Variants in TNFSF4 observed in about 807,000 individuals in gnomAD.
TNFSF4 encodes tumor necrosis factor ligand superfamily member 4.
In TNFSF4, 4 loss-of-function variants were observed where a neutral mutation model predicts 7.3. The observed-to-expected ratio is 0.55, with a 90% CI of 0.27 to 1.25. The LOEUF is 1.25. Ranked by LOEUF, TNFSF4 falls within the 50% of genes most tolerant of loss-of-function variation. TNFSF4 has a pLI of 0.12. For missense variants in TNFSF4, 181 were observed against 208.8 expected (o/e 0.87, Z 0.82); for synonymous variants, 76 against 83.7 (o/e 0.91, Z 0.50).
At chr1:173,442,551 G>GTTTTTTTT in the TNFSF4 span, among the ~76,000 whole-genome samples, 2 of 119,408 alleles carry the variant, frequency 1.7e-5, no homozygotes, top group South Asian at 2.5e-4. Context: ...TTTTGTTTTT[G>GTTTTTTTT]TTTTTTTTTT....
the TNFSF4 span, among the ~76,000 whole-genome samples, chr1:173,311,215 T>C: frequency 6.6e-6 from 1 of 152,042 alleles, no homozygotes; most frequent in Non-Finnish European, 1.5e-5. Flanking sequence ...TTGACCATTT[T>C]TTATTATTTG....
the TNFSF4 span, among the ~76,000 whole-genome samples, chr1:173,335,757 C>T: frequency 6.6e-6 from 1 of 152,160 alleles, no homozygotes; most frequent in Non-Finnish European, 1.5e-5. Flanking sequence ...TAAGAAGAGG[C>T]AGGTCTTCTT....
the TNFSF4 span, among the ~76,000 whole-genome samples, chr1:173,324,058 T>A: frequency 6.6e-6 from 1 of 152,160 alleles, no homozygotes; most frequent in Non-Finnish European, 1.5e-5. Flanking sequence ...GACACATAAT[T>A]GTCGGATTCA....
At chr1:173,313,576 T>G in the TNFSF4 span, among the ~76,000 whole-genome samples, 23 of 152,114 alleles carry the variant, frequency 1.5e-4, no homozygotes, top group Admixed American at 1.2e-3. Context: ...GACACTTTAT[T>G]TACAAGAAAT....
chr1:173,362,483 C>T, the TNFSF4 span: 65 of 536,748 alleles, frequency 1.2e-4, no homozygotes, highest in Non-Finnish European at 1.9e-4. Flanking sequence ...TTCTGTTTCT[C>T]CAGCTGGGCT....
chr1:173,259,943 C>T, the TNFSF4 span, among the ~76,000 whole-genome samples: 3 of 152,090 alleles, frequency 2.0e-5, no homozygotes, highest in African/African-American at 7.2e-5. Flanking sequence ...AAGAACTTCC[C>T]CAACCTAGCA....
At chr1:173,255,514 C>A in the TNFSF4 span, among the ~76,000 whole-genome samples, 1 of 152,136 alleles carries the variant, frequency 6.6e-6, no homozygotes, top group Admixed American at 6.5e-5. Flanking sequence ...TACCACATTG[C>A]CAAGTTAACA....
At chr1:173,338,063 T>C in the TNFSF4 span, among the ~76,000 whole-genome samples, 1 of 152,148 alleles carries the variant, frequency 6.6e-6, no homozygotes, top group African/African-American at 2.4e-5. Flanking sequence ...CTCAACAACA[T>C]GAACTTCTGC....
the TNFSF4 span, among the ~76,000 whole-genome samples, chr1:173,380,998 A>G: frequency 6.6e-6 from 1 of 152,138 alleles, no homozygotes; most frequent in African/African-American, 2.4e-5. Flanking sequence ...ATCAGACCCT[A>G]TCAGTACCCC....
the TNFSF4 span, among the ~76,000 whole-genome samples, chr1:173,378,394 G>T: frequency 6.6e-6 from 1 of 152,164 alleles, no homozygotes; most frequent in Non-Finnish European, 1.5e-5. Flanking sequence ...TGGGCAGGGG[G>T]AGAAACAAAC....
chr1:173,368,326 TC>T, the TNFSF4 span, among the ~76,000 whole-genome samples: 1 of 152,090 alleles, frequency 6.6e-6, no homozygotes. Flanking sequence ...ACTGCAAAGG[TC>T]CATGGTTCCA....
At chr1:173,241,977 C>G in the TNFSF4 span, among the ~76,000 whole-genome samples, 6 of 152,132 alleles carry the variant, frequency 3.9e-5, no homozygotes, top group Non-Finnish European at 8.8e-5. Flanking sequence ...TACAGCCAGG[C>G]CTTTGGGGGC....
At chr1:173,432,818 A>C in the TNFSF4 span, among the ~76,000 whole-genome samples, 3,526 of 152,286 alleles carry the variant, frequency 0.023, 141 homozygotes, top group African/African-American at 0.081. Context: ...GCAATTTCTT[A>C]GGTAAATTTT....
chr1:173,413,829 CA>C, the TNFSF4 span, among the ~76,000 whole-genome samples: 2 of 152,170 alleles, frequency 1.3e-5, no homozygotes, highest in Non-Finnish European at 2.9e-5. Flanking sequence ...TGCTTGAAAC[CA>C]GGAATCCTAA....
chr1:173,398,195 C>G, the TNFSF4 span, among the ~76,000 whole-genome samples: 4 of 151,928 alleles, frequency 2.6e-5, no homozygotes, highest in Non-Finnish European at 5.9e-5. Flanking sequence ...TCTCAGAGAT[C>G]ATGGCACCTT....
chr1:173,193,599 T>C (rs560425274), intron 1 of TNFSF4, among the ~76,000 whole-genome samples: 27 of 152,070 alleles, frequency 1.8e-4, no homozygotes, highest in African/African-American at 6.3e-4. Context: ...AAGAAAAAAA[T>C]TCTATGAAGA....
chr1:173,361,797 G>A, the TNFSF4 span, among the ~76,000 whole-genome samples: 2 of 152,036 alleles, frequency 1.3e-5, no homozygotes, highest in African/African-American at 2.4e-5. Context: ...TCAGAAACTG[G>A]CCCCAAAAGC....
chr1:173,442,076 T>C, the TNFSF4 span: 1 of 152,274 alleles, frequency 6.6e-6, no homozygotes, highest in Non-Finnish European at 1.5e-5. Context: ...AATGTTGTGC[T>C]GGTAATGTTT....
the TNFSF4 span, among the ~76,000 whole-genome samples, chr1:173,417,041 G>A: frequency 6.6e-6 from 1 of 152,142 alleles, no homozygotes; most frequent in Non-Finnish European, 1.5e-5. Flanking sequence ...ATTTTCCTGG[G>A]GCAGTATTTC....
Sources: gnomAD v4.1 joint callset for allele counts (sites outside exome capture counted in the v4.1 genomes callset) on GRCh38, gnomAD v4.1.1 for gene constraint, MANE v1.5 for transcripts, NCBI Gene and HGNC (gene_info 2026-07-23, HGNC 2026-07-21) for gene names.